NREP: variants seen among roughly 807,000 people sequenced by gnomAD.
NREP encodes the protein neuronal regeneration-related protein.
A neutral mutation model predicts 8.6 loss-of-function variants in NREP; 5 were observed. That is an observed-to-expected ratio of 0.58 (90% CI 0.30 to 1.22). NREP has a LOEUF of 1.22. Ranked by LOEUF, NREP falls within the 50% of genes most tolerant of loss-of-function variation. The pLI, the probability that NREP is intolerant of heterozygous loss-of-function variation, is 0.07. For synonymous variants in NREP, 27 were observed against 28.0 expected (o/e 0.96, Z 0.11); for missense variants, 86 against 82.5 (o/e 1.04, Z -0.17).
chr5:111,861,763 A>C (rs943343799), intron 2 of NREP, among the ~76,000 whole-genome samples: 1 of 152,206 alleles, frequency 6.6e-6, no homozygotes, highest in Non-Finnish European at 1.5e-5. Context: ...TATGAAATAA[A>C]TATTAATGAT....
chr5:111,976,641 C>T (rs1002476243), intron 1 of NREP: 2 of 1,310,554 alleles, frequency 1.5e-6, no homozygotes, highest in African/African-American at 1.5e-5. Flanking sequence ...AGACAAACAT[C>T]CTATAATTGT....
At position 111,731,005 on chromosome 5, in the gene NREP, G is replaced by A. The variant is rs1343523906; in HGVS notation, c.123C>T (p.Asn41=). The change falls in exon 4 of 4, where the codon AAC becomes AAT. Residue 41 remains asparagine, a synonymous_variant. Coordinates refer to ENST00000257435, the MANE Select transcript of NREP (RefSeq NM_004772.4). ...PVPKEVNRKK[N]DETNAASLTP... ...TCAGGGAGGCAGCGTTTGTCTCATC[G>A]TTCTTCTTGCGGTTCACTTCCTTTG... 40 of 1,613,804 alleles carry A rather than the reference G, an allele frequency of 2.5e-5. No homozygotes were observed. Among genetic ancestry groups the A allele is most frequent in the Middle Eastern group, 1.6e-4 (1 of 6,076 alleles).
At chr5:111,805,503 T>G (rs1752119677) in intron 2 of NREP, among the ~76,000 whole-genome samples, 1 of 152,240 alleles carries the variant, frequency 6.6e-6, no homozygotes, top group African/African-American at 2.4e-5. Context: ...GAGGAATACC[T>G]GTATAAACTG....
At chr5:111,861,844 A>G (rs1753550520) in intron 2 of NREP, among the ~76,000 whole-genome samples, 1 of 152,200 alleles carries the variant, frequency 6.6e-6, no homozygotes. Context: ...TGGAAAGCAC[A>G]GCACAGATAG....
At chr5:111,785,895 G>T (rs1751598056) in intron 2 of NREP, among the ~76,000 whole-genome samples, 1 of 152,134 alleles carries the variant, frequency 6.6e-6, no homozygotes, top group Non-Finnish European at 1.5e-5. Flanking sequence ...GTAGCAAGGA[G>T]ATGGATAGGG....
upstream of NREP, among the ~76,000 whole-genome samples, chr5:111,760,919 T>C (rs1036792233): frequency 6.6e-6 from 1 of 152,248 alleles, no homozygotes; most frequent in Non-Finnish European, 1.5e-5. Context: ...TATTTCCTGA[T>C]TATAGCTAAA....
At chr5:111,852,161 C>A (rs928453892) in intron 2 of NREP, among the ~76,000 whole-genome samples, 2 of 152,162 alleles carry the variant, frequency 1.3e-5, no homozygotes, top group Admixed American at 6.6e-5. Context: ...TTCTAGAGAT[C>A]ACCTTAGGGG....
intron 2 of NREP, among the ~76,000 whole-genome samples, chr5:111,905,502 A>G (rs531600723): frequency 6.6e-6 from 1 of 152,292 alleles, no homozygotes; most frequent in Admixed American, 6.5e-5. Context: ...ATAGCGGTCC[A>G]TGGAAGACTG....
chr5:111,772,635 C>A (rs1427065196), intron 2 of NREP, among the ~76,000 whole-genome samples: 1 of 151,876 alleles, frequency 6.6e-6, no homozygotes, highest in Non-Finnish European at 1.5e-5. Context: ...TCTCATTCAG[C>A]CCCTCCCCCG....
chr5:111,798,749 G>A (rs1561670878), intron 2 of NREP, among the ~76,000 whole-genome samples: 1 of 69,256 alleles, frequency 1.4e-5, no homozygotes, highest in African/African-American at 5.9e-5. Flanking sequence ...GTGTGTGTGT[G>A]TGTGTGTGTG....
intron 2 of NREP, among the ~76,000 whole-genome samples, chr5:111,794,925 T>G (rs2112897014): frequency 6.6e-6 from 1 of 150,564 alleles, no homozygotes; most frequent in East Asian, 2.0e-4. Flanking sequence ...TTTGCATATA[T>G]GGGGGTCAGG....
At chr5:111,809,907 G>A (rs987811895) in intron 2 of NREP, among the ~76,000 whole-genome samples, 1 of 145,686 alleles carries the variant, frequency 6.9e-6, no homozygotes, top group African/African-American at 2.6e-5. Context: ...GTGTGTGTGT[G>A]TGTGTATTCA....
intron 2 of NREP, among the ~76,000 whole-genome samples, chr5:111,844,275 G>A (rs1010215704): frequency 1.3e-4 from 20 of 151,902 alleles, no homozygotes; most frequent in African/African-American, 4.8e-4. Context: ...TCTATATTTA[G>A]TTAACATTAC....
intron 2 of NREP, among the ~76,000 whole-genome samples, chr5:111,902,477 AC>A (rs1754669848): frequency 6.6e-6 from 1 of 152,144 alleles, no homozygotes; most frequent in Admixed American, 6.6e-5. Context: ...AGGAGATGAA[AC>A]GTGGTTTTAC....
intron 2 of NREP, among the ~76,000 whole-genome samples, chr5:111,869,209 TGAG>T (rs1346074480): frequency 1.3e-5 from 2 of 152,150 alleles, no homozygotes; most frequent in African/African-American, 4.8e-5. Context: ...TCACACTAGT[TGAG>T]GAGAAGTATA....
At chr5:111,920,502 A>G (rs1755207589) in intron 2 of NREP, among the ~76,000 whole-genome samples, 2 of 152,120 alleles carry the variant, frequency 1.3e-5, no homozygotes, top group African/African-American at 4.8e-5. Context: ...GCAGCCAAGG[A>G]AATCAAGGAC....
At chr5:111,753,199 T>G (rs1750475097) in intron 2 of NREP, among the ~76,000 whole-genome samples, 1 of 151,808 alleles carries the variant, frequency 6.6e-6, no homozygotes, top group African/African-American at 2.4e-5. Flanking sequence ...TTAACAGTAC[T>G]CTTGAGTTGC....
chr5:111,847,926 T>C (rs1753221229), intron 2 of NREP, among the ~76,000 whole-genome samples: 1 of 152,218 alleles, frequency 6.6e-6, no homozygotes. Context: ...AAAATATTCC[T>C]GGAGGATCTT....
At chr5:111,805,019 A>AACG (rs1191053033) in intron 2 of NREP, among the ~76,000 whole-genome samples, 1 of 149,996 alleles carries the variant, frequency 6.7e-6, no homozygotes, top group Middle Eastern at 3.2e-3. Flanking sequence ...CAACAACAAC[A>AACG]AAACGAAAAG....
Sources: allele counts gnomAD v4.1 joint callset (sites outside exome capture counted in the v4.1 genomes callset), GRCh38; gene constraint gnomAD v4.1.1; transcripts MANE v1.5; gene names NCBI Gene and HGNC (gene_info 2026-07-23, HGNC 2026-07-21).